FKBP7: variants seen among roughly 807,000 people sequenced by gnomAD.
FKBP7 encodes peptidyl-prolyl cis-trans isomerase FKBP7.
A neutral mutation model predicts 24.3 loss-of-function variants in FKBP7; 24 were observed. The ratio of observed to expected loss-of-function variants is 0.99; its 90% CI spans 0.72 to 1.39. FKBP7 has a LOEUF of 1.39. FKBP7 is among the 40% of genes most tolerant of loss of function. The probability of loss-of-function intolerance (pLI) is 0.00; values close to 1 mark genes in which losing one functional copy is unlikely to be tolerated. For missense variants in FKBP7, 257 were observed against 269.5 expected (o/e 0.95, Z 0.33); for synonymous variants, 98 against 92.8 (o/e 1.06, Z -0.32).
chr2:178,473,979 G>A (rs1203573390), intron 2 of FKBP7, among the ~76,000 whole-genome samples: 1 of 152,126 alleles, frequency 6.6e-6, no homozygotes, highest in Non-Finnish European at 1.5e-5. Flanking sequence ...TGTCTCTTTA[G>A]GAGTTTTAAG....
intron 2 of FKBP7, among the ~76,000 whole-genome samples, chr2:178,473,818 CTTAAT>C (rs1189401895): frequency 6.6e-6 from 1 of 152,214 alleles, no homozygotes. Flanking sequence ...TTGCATTTGA[CTTAAT>C]TTATTTTCAA....
At chr2:178,473,818 CTTA>C (rs1684924945) in intron 2 of FKBP7, among the ~76,000 whole-genome samples, 1 of 152,214 alleles carries the variant, frequency 6.6e-6, no homozygotes, top group African/African-American at 2.4e-5. Flanking sequence ...TTGCATTTGA[CTTA>C]ATTTATTTTC....
rs1684604543 is a variant in FKBP7 at position 178,464,608 on chromosome 2, G to A, written c.*1162C>T. On this transcript the variant is annotated 3_prime_UTR_variant, in exon 4 of 4. Transcript: ENST00000424785. Reference sequence around the variant, plus strand: ...CCACCTGGTCTCTCCATTGACATGTGGGGATTATGGAAATTATGGGGATTA... The same window carrying A: ...CCACCTGGTCTCTCCATTGACATGTAGGGATTATGGAAATTATGGGGATTA... 6.6e-6 allele frequency: 1 copy of A among 152,192 alleles called. No homozygotes were observed. Among genetic ancestry groups the A allele is most frequent in the Non-Finnish European group, 1.5e-5 (1 of 68,050 alleles). 9.4% of individuals were successfully genotyped at this position (152,192 alleles called of 1,614,324 possible).
At position 178,478,426 on chromosome 2, in the gene FKBP7, C is replaced by A; in HGVS notation, c.74G>T (p.Arg25Ile). The change falls in exon 1 of 4, where the codon AGA becomes ATA. Residue 25 changes from arginine (R) to isoleucine (I), a missense_variant. Arg to Ile is a moderately conservative substitution (Grantham distance 97). Coordinates refer to ENST00000424785, the MANE Select transcript of FKBP7 (RefSeq NM_181342.3). ...TTCGGTGCTCTCCTCTTTCTTTTGTCTCTGAGCAGTAAAAAGGCCCCACAG... is the reference window on the plus strand; with the variant it reads ...TTCGGTGCTCTCCTCTTTCTTTTGTATCTGAGCAGTAAAAAGGCCCCACAG... Reference protein sequence around the residue: ...FYLWGLFTAQRQKKEESTEEV... With the variant: ...FYLWGLFTAQIQKKEESTEEV... 1 of 1,614,194 alleles carries A rather than the reference C, an allele frequency of 6.2e-7. No individual in the cohort carries two copies. The highest frequency in any genetic ancestry group is 8.5e-7 in the Non-Finnish European group (1 of 1,180,032).
chr2:178,477,274 C>T, intron 1 of FKBP7, 61 bp from the exon 2 acceptor site: 1 of 1,553,566 alleles, frequency 6.4e-7, no homozygotes, highest in Non-Finnish European at 8.8e-7. Flanking sequence ...GAAAATACAG[C>T]TGGGCATTTA....
At chr2:178,470,767 A>G (rs1684826579) in intron 2 of FKBP7, among the ~76,000 whole-genome samples, 1 of 152,078 alleles carries the variant, frequency 6.6e-6, no homozygotes, top group Non-Finnish European at 1.5e-5. Context: ...TGGGCAACAT[A>G]GTGAGACCCT....
intron 2 of FKBP7, 64 bp from the exon 3 acceptor site, chr2:178,469,849 A>C: frequency 7.4e-7 from 1 of 1,344,836 alleles, no homozygotes. Context: ...CTATTCATGA[A>C]CTGCCATAAC....
chr2:178,472,614 G>A (rs1296009856), intron 2 of FKBP7, among the ~76,000 whole-genome samples: 1 of 151,804 alleles, frequency 6.6e-6, no homozygotes, highest in Non-Finnish European at 1.5e-5. Flanking sequence ...GCCTGGCCAG[G>A]AGGGCGAGAT....
Position 178,478,599 on chromosome 2 carries a change from A to G in FKBP7, c.-100T>C. On this transcript the variant is annotated 5_prime_UTR_variant, in exon 1 of 4. Transcript: ENST00000424785. Reference sequence around the variant, plus strand: ...CGCGTGGCAGGCGTTGTCCTGCGTCACAAAGGGCCGGGGCGGGGCCATAGA... The same window carrying G: ...CGCGTGGCAGGCGTTGTCCTGCGTCGCAAAGGGCCGGGGCGGGGCCATAGA... 6.5e-7 allele frequency: 1 copy of G among 1,549,462 alleles called. No homozygotes were observed. Among genetic ancestry groups the G allele is most frequent in the East Asian group, 2.2e-5 (1 of 44,542 alleles).
Position 178,477,110 on chromosome 2 carries a change from G to A in FKBP7, c.325C>T (p.Arg109Ter), listed in dbSNP as rs370314084. 64 of 1,611,764 alleles carry A rather than the reference G, an allele frequency of 4.0e-5. No individual in the cohort carries two copies. The highest frequency in any genetic ancestry group is 3.9e-4 in the African/African-American group (29 of 74,732). The stretch of plus-strand genomic sequence containing the variant: ...AATGAAGGGGGTATAACTACTTTTC[G>A]CTTTTCTCCAGGGCACATATCTGTC... ...AMTDMCPGEK[R>*]KVVIPPSFAY... The change falls in exon 2 of 4, where the codon CGA becomes TGA. Residue 109 changes from arginine (R) to a stop codon, truncating the protein, a stop_gained. Coordinates refer to ENST00000424785, the MANE Select transcript of FKBP7 (RefSeq NM_181342.3). LOFTEE classifies it high-confidence loss of function.
intron 2 of FKBP7, chr2:178,473,103 C>T (rs1559378090): frequency 7.7e-7 from 1 of 1,304,990 alleles, no homozygotes; most frequent in South Asian, 1.2e-5. Context: ...TGACATGAGA[C>T]AAGGATATTT....
At chr2:178,468,613 C>T (rs970918026) in intron 3 of FKBP7, among the ~76,000 whole-genome samples, 1 of 151,984 alleles carries the variant, frequency 6.6e-6, no homozygotes, top group Non-Finnish European at 1.5e-5. Context: ...CAGAGAAAGA[C>T]CCTGTCTCTA....
rs919335169 is a variant in FKBP7, at chr2:178,465,047, G to A, written c.*723C>T. The A allele has an allele frequency of 6.6e-6, 1 of 152,158 alleles. No homozygotes were observed. Among genetic ancestry groups the A allele is most frequent in the Admixed American group, 6.5e-5 (1 of 15,274 alleles). 9.4% of individuals were successfully genotyped at this position (152,158 alleles called of 1,614,324 possible). On this transcript the variant is annotated 3_prime_UTR_variant, in exon 4 of 4. Coordinates refer to ENST00000424785, the MANE Select transcript of FKBP7 (RefSeq NM_181342.3). ...TTATAAAGGTTTACAAGAGGGAAGAGGAGTTGCACATTTACAATAATGTCT... is the reference window on the plus strand; with the variant it reads ...TTATAAAGGTTTACAAGAGGGAAGAAGAGTTGCACATTTACAATAATGTCT...
At chr2:178,477,634 TTTATTAAATTC>T (rs1344482543) in intron 1 of FKBP7, among the ~76,000 whole-genome samples, 1 of 151,952 alleles carries the variant, frequency 6.6e-6, no homozygotes, top group Admixed American at 6.5e-5. Flanking sequence ...AATGATATAA[TTTATTAAATTC>T]TTATTAAATT....
intron 3 of FKBP7, among the ~76,000 whole-genome samples, chr2:178,468,321 AT>A (rs1344781554): frequency 6.6e-6 from 1 of 152,026 alleles, no homozygotes; most frequent in Non-Finnish European, 1.5e-5. Context: ...AACATTCATG[AT>A]TTTCTCTGAA....
Position 178,465,854 on chromosome 2 carries a change from T to C in FKBP7, c.585A>G (p.Glu195=), listed in dbSNP as rs1188811339. 5.6e-6 allele frequency: 9 copies of C among 1,612,528 alleles called. No homozygotes were observed. Among genetic ancestry groups the C allele is most frequent in the Non-Finnish European group, 7.6e-6 (9 of 1,179,376 alleles). ...CATGGTCATTCTTCTTAAAAATATC[T>C]TCTAAAACTGCATCCTGATATGACT... ...RDKSYQDAVL[E]DIFKKNDHDG... is the part of the protein sequence containing the mutation. The change falls in exon 4 of 4, where the codon GAA becomes GAG. Residue 195 remains glutamate (E), a synonymous_variant. Coordinates refer to ENST00000424785, the MANE Select transcript of FKBP7 (RefSeq NM_181342.3).
At position 178,465,782 on chromosome 2, in the gene FKBP7, G is replaced by A. The variant is rs754733532; in HGVS notation, c.657C>T (p.His219=). The A allele has an allele frequency of 5.7e-5, 90 of 1,584,778 alleles. No individual in the cohort carries two copies. Among genetic ancestry groups the A allele is most frequent in the East Asian group, 9.1e-5 (4 of 44,028 alleles). Reference sequence around the variant, plus strand: ...AAATACAAATATGCTATAGTTCATCGTGTTGGTATACATTGTATTCCTTGG... The same window carrying A: ...AAATACAAATATGCTATAGTTCATCATGTTGGTATACATTGTATTCCTTGG... ...ISPKEYNVYQ[H]DEL is the part of the protein sequence containing the mutation. Residue 219 remains histidine, a synonymous_variant, in exon 4 of 4, where the codon CAC becomes CAT. Transcript: ENST00000424785.
intron 3 of FKBP7, 108 bp from the exon 4 acceptor site, chr2:178,466,039 G>C: frequency 1.1e-6 from 1 of 913,008 alleles, no homozygotes. Flanking sequence ...ATTACTTACA[G>C]TAAATGATAC....
chr2:178,464,028 A>T lies in FKBP7; in HGVS notation c.*1742T>A, dbSNP rs1684590011. On this transcript the variant is annotated 3_prime_UTR_variant, in exon 4 of 4. Transcript: ENST00000424785. ...GAAATATTGGGAGGAAGGAAAAGAT[A>T]GTACAGATTCTTGTTTTATAAGGTG... 2 of 152,358 alleles carry T rather than the reference A, an allele frequency of 1.3e-5. No individual in the cohort carries two copies. Among genetic ancestry groups the T allele is most frequent in the Admixed American group, 6.5e-5 (1 of 15,314 alleles). 9.4% of individuals were successfully genotyped at this position (152,358 alleles called of 1,614,324 possible).
Sources: gnomAD v4.1 joint callset for allele counts (sites outside exome capture counted in the v4.1 genomes callset) on GRCh38, gnomAD v4.1.1 for gene constraint, MANE v1.5 for transcripts, NCBI Gene and HGNC (gene_info 2026-07-23, HGNC 2026-07-21) for gene names.